The following MAGI2 variants were observed in gnomAD, a reference collection of about 807,000 sequenced individuals.
MAGI2 encodes membrane associated guanylate kinase, WW and PDZ domain containing 2.
In MAGI2, 35 loss-of-function variants were observed where a neutral mutation model predicts 133.3. The ratio of observed to expected loss-of-function variants is 0.26; its 90% CI spans 0.20 to 0.35. The LOEUF (loss-of-function observed/expected upper bound fraction) is 0.35. Ranked by LOEUF, MAGI2 falls within the 10% of genes least tolerant of loss-of-function variation. The pLI is 1.00. For missense variants in MAGI2, 1,636 were observed against 1,863.4 expected, an observed-to-expected ratio of 0.88 and a Z score of 2.25; for synonymous variants, 729 against 710.6, an observed-to-expected ratio of 1.03 and a Z score of -0.41.
At chr7:78,916,273 T>G (rs183239190) in intron 2 of MAGI2, among the ~76,000 whole-genome samples, 59 of 152,228 alleles carry the variant, frequency 3.9e-4, no homozygotes, top group African/African-American at 1.3e-3. Context: ...ACGTACTTAA[T>G]GTAGTAGTGA....
At chr7:78,323,931 A>C (rs798300) in intron 9 of MAGI2, among the ~76,000 whole-genome samples, 1 of 151,962 alleles carries the variant, frequency 6.6e-6, no homozygotes, top group Non-Finnish European at 1.5e-5. Flanking sequence ...GGCATATAGC[A>C]GGGAAATAAA....
At chr7:78,102,377 A>G (rs1390525159) in intron 20 of MAGI2, among the ~76,000 whole-genome samples, 1 of 152,196 alleles carries the variant, frequency 6.6e-6, no homozygotes, top group African/African-American at 2.4e-5. Flanking sequence ...ATTAATGGTA[A>G]CTGTTGGATG....
At chr7:78,357,181 T>C (rs1414932386) in intron 7 of MAGI2, among the ~76,000 whole-genome samples, 2 of 152,224 alleles carry the variant, frequency 1.3e-5, no homozygotes, top group African/African-American at 2.4e-5. Flanking sequence ...TGTCCTGGGC[T>C]GCAACAATAT....
chr7:78,673,632 GACATTT>G (rs1814655072), intron 2 of MAGI2, among the ~76,000 whole-genome samples: 1 of 151,986 alleles, frequency 6.6e-6, no homozygotes, highest in Non-Finnish European at 1.5e-5. Flanking sequence ...AGGAAGGTCA[GACATTT>G]TTGTTCTGTT....
chr7:79,341,442 G>A (rs1840897378), intron 1 of MAGI2, among the ~76,000 whole-genome samples: 1 of 151,884 alleles, frequency 6.6e-6, no homozygotes, highest in African/African-American at 2.4e-5. Flanking sequence ...GATAGTTCTT[G>A]GGTTGAGTAT....
intron 2 of MAGI2, among the ~76,000 whole-genome samples, chr7:78,904,344 A>T (rs900127595): frequency 3.9e-5 from 6 of 152,298 alleles, no homozygotes; most frequent in Admixed American, 1.3e-4. Flanking sequence ...AAAATCAATA[A>T]TACTAGTGGT....
chr7:78,078,869 G>T (rs779562718), intron 21 of MAGI2, 78 bp downstream of exon 21: 1 of 1,540,234 alleles, frequency 6.5e-7, no homozygotes, highest in Non-Finnish European at 9.0e-7. Context: ...GAGAACTGAT[G>T]TAGTTTTATA....
chr7:79,155,137 G>A (rs1162491160), intron 1 of MAGI2, among the ~76,000 whole-genome samples: 1 of 152,074 alleles, frequency 6.6e-6, no homozygotes, highest in Non-Finnish European at 1.5e-5. Flanking sequence ...TGCAGGCAGG[G>A]GTCTATGAGG....
At chr7:78,455,419 T>C (rs1355049392) in intron 6 of MAGI2, among the ~76,000 whole-genome samples, 1 of 152,144 alleles carries the variant, frequency 6.6e-6, no homozygotes, top group African/African-American at 2.4e-5. Context: ...GTAATAAACA[T>C]ACCTTGCTTC....
intron 6 of MAGI2, among the ~76,000 whole-genome samples, chr7:78,369,469 G>A (rs1793710966): frequency 6.6e-6 from 1 of 151,996 alleles, no homozygotes; most frequent in African/African-American, 2.4e-5. Flanking sequence ...CCAAATAGTA[G>A]GATGGCATGT....
chr7:78,389,441 C>T (rs1475511746), intron 6 of MAGI2, among the ~76,000 whole-genome samples: 1 of 152,186 alleles, frequency 6.6e-6, no homozygotes, highest in Non-Finnish European at 1.5e-5. Flanking sequence ...GCATATCTTA[C>T]TCATCTTTGT....
chr7:78,480,721 G>C (rs1792278123), intron 6 of MAGI2, among the ~76,000 whole-genome samples: 1 of 151,770 alleles, frequency 6.6e-6, no homozygotes, highest in South Asian at 2.1e-4. Flanking sequence ...AATTCAGCAA[G>C]TACATGAGAT....
chr7:78,957,303 A>T (rs1235531663), intron 2 of MAGI2, among the ~76,000 whole-genome samples: 1 of 151,216 alleles, frequency 6.6e-6, no homozygotes, highest in Non-Finnish European at 1.5e-5. Context: ...AAAGAAAAAA[A>T]AATTTAGGAA....
chr7:78,598,508 A>C (rs577974996), intron 3 of MAGI2, among the ~76,000 whole-genome samples: 1 of 152,298 alleles, frequency 6.6e-6, no homozygotes, highest in South Asian at 2.1e-4. Flanking sequence ...ACAGAGACAG[A>C]CAGCCAAGGA....
Position 78,133,911 on chromosome 7 carries a change from T to TC in MAGI2, c.3032-852dup, listed in dbSNP as rs371729478. On this transcript the variant is annotated intron_variant, in intron 17 of 21. Transcript: ENST00000354212. ...TTAGCATTCCCCTATGAACTCTTCT[T>TC]CCCCCCCCTTTTTTCCCCACAGTCC... 5.8e-3 allele frequency among the ~76,000 whole-genome samples: 877 copies of TC among 151,464 alleles called. 7 individuals are homozygous for TC. Among genetic ancestry groups the TC allele is most frequent in the African/African-American group, 0.019 (802 of 41,260 alleles).
intron 1 of MAGI2, among the ~76,000 whole-genome samples, chr7:79,152,375 A>C (rs1310579414): frequency 1.3e-5 from 2 of 152,160 alleles, no homozygotes; most frequent in Non-Finnish European, 2.9e-5. Flanking sequence ...TTTTGGTAGG[A>C]AGGATTGATA....
At chr7:78,538,936 T>C (rs759055453) in intron 3 of MAGI2, among the ~76,000 whole-genome samples, 2 of 152,198 alleles carry the variant, frequency 1.3e-5, no homozygotes, top group Non-Finnish European at 2.9e-5. Context: ...CACATCTCAA[T>C]ACTAACATTG....
intron 4 of MAGI2, among the ~76,000 whole-genome samples, chr7:78,515,355 CTTTT>C (rs201256173): frequency 6.6e-6 from 1 of 151,114 alleles, no homozygotes; most frequent in African/African-American, 2.4e-5. Flanking sequence ...CTTCTGTATA[CTTTT>C]TTTTTAGTTA....
At chr7:78,383,940 T>C (rs1000643280) in intron 6 of MAGI2, among the ~76,000 whole-genome samples, 2 of 152,198 alleles carry the variant, frequency 1.3e-5, no homozygotes, top group Non-Finnish European at 2.9e-5. Context: ...TCCATTCTGT[T>C]ATATTGGTCT....
Sources: gnomAD v4.1 joint callset for allele counts (sites outside exome capture counted in the v4.1 genomes callset) on GRCh38, gnomAD v4.1.1 for gene constraint, MANE v1.5 for transcripts, NCBI Gene and HGNC (gene_info 2026-07-23, HGNC 2026-07-21) for gene names.